The following ADGRV1 variants were observed in gnomAD, a reference collection of about 807,000 sequenced individuals.
The protein encoded by ADGRV1 is G-protein coupled receptor 98.
In ADGRV1, 359 loss-of-function variants were observed where a neutral mutation model predicts 596.2. The observed-to-expected ratio is 0.60, with a 90% CI of 0.55 to 0.66. The LOEUF is 0.66. ADGRV1 is among the 30% of genes least tolerant of loss of function. ADGRV1 has a pLI of 0.00. For synonymous variants in ADGRV1, 2,681 were observed against 2,679.2 expected (o/e 1.00, Z -0.02); for missense variants, 7,274 against 7,575.6 (o/e 0.96, Z 1.48).
At chr5:91,087,463 A>ATTTTTTT (rs556983309) in intron 86 of ADGRV1, among the ~76,000 whole-genome samples, 1 of 143,482 alleles carries the variant, frequency 7.0e-6, no homozygotes. Flanking sequence ...TGCCCGGCTA[A>ATTTTTTT]TTTTTTTTTT....
intron 70 of ADGRV1, among the ~76,000 whole-genome samples, chr5:90,798,046 C>G (rs1319860718): frequency 4.6e-5 from 7 of 151,922 alleles, no homozygotes; most frequent in Non-Finnish European, 1.5e-5. Flanking sequence ...AATTCAAAAG[C>G]TAGCAGAAGA....
chr5:90,666,332 C>T (rs1011560048), intron 21 of ADGRV1, among the ~76,000 whole-genome samples: 1 of 152,084 alleles, frequency 6.6e-6, no homozygotes, highest in Non-Finnish European at 1.5e-5. Flanking sequence ...GGCTAGTTAG[C>T]TCTTCTTGTT....
chr5:90,808,535 A>G (rs1002200255), intron 73 of ADGRV1, among the ~76,000 whole-genome samples: 1 of 152,180 alleles, frequency 6.6e-6, no homozygotes. Context: ...TAAAATGTTC[A>G]TCCAGAGAAC....
At chr5:91,095,654 T>G (rs984449312) in intron 86 of ADGRV1, among the ~76,000 whole-genome samples, 5 of 152,172 alleles carry the variant, frequency 3.3e-5, no homozygotes, top group African/African-American at 1.2e-4. Flanking sequence ...TCTCTAAGTA[T>G]CTGTGAATTT....
chr5:91,032,924 G>A (rs779016379), intron 85 of ADGRV1, among the ~76,000 whole-genome samples: 5 of 152,008 alleles, frequency 3.3e-5, no homozygotes, highest in Non-Finnish European at 5.9e-5. Context: ...GCATTTCCTG[G>A]CCATTTACTT....
At chr5:90,642,563 G>T in intron 11 of ADGRV1, 73 bp from the exon 12 acceptor site, 1 of 1,502,460 alleles carries the variant, frequency 6.7e-7, no homozygotes, top group East Asian at 2.3e-5. Context: ...TGTAAATATT[G>T]CCTTAAAAGC....
chr5:90,766,644 G>A (rs944166678), intron 59 of ADGRV1, among the ~76,000 whole-genome samples: 1 of 152,078 alleles, frequency 6.6e-6, no homozygotes, highest in African/African-American at 2.4e-5. Flanking sequence ...ACAGTGATAA[G>A]AAGTGAAGGC....
chr5:91,087,970 G>T (rs1457878622), intron 86 of ADGRV1, among the ~76,000 whole-genome samples: 1 of 152,110 alleles, frequency 6.6e-6, no homozygotes, highest in Non-Finnish European at 1.5e-5. Flanking sequence ...AATTGGCTGA[G>T]GGCTTATATT....
Position 90,690,024 on chromosome 5 carries a change from A to G in ADGRV1, c.6654A>G (p.Leu2218=). Residue 2218 remains leucine, a synonymous_variant, in exon 30 of 90, where the codon TTA becomes TTG. Coordinates refer to ENST00000405460, the MANE Select transcript of ADGRV1 (RefSeq NM_032119.4). ...ETTGGARLGA[L]TEAVIIIEAS... is the part of the protein sequence containing the mutation. Reference sequence around the variant, plus strand: ...CAGGAGGAGCCAGACTAGGGGCTTTAACAGAGGCAGTCATTATTATTGAGG... The same window carrying G: ...CAGGAGGAGCCAGACTAGGGGCTTTGACAGAGGCAGTCATTATTATTGAGG... 1.3e-6 allele frequency: 2 copies of G among 1,597,084 alleles called. No individual in the cohort carries two copies. Among genetic ancestry groups the G allele is most frequent in the Non-Finnish European group, 1.7e-6 (2 of 1,170,920 alleles).
chr5:90,658,342 T>A, intron 21 of ADGRV1, 64 bp downstream of exon 21: 5 of 1,420,682 alleles, frequency 3.5e-6, no homozygotes, highest in Non-Finnish European at 3.7e-6. Context: ...TGTTTGGGAC[T>A]CGGCTTTCTT....
chr5:90,971,505 C>CTG (rs1562020911), intron 84 of ADGRV1, among the ~76,000 whole-genome samples: 1 of 152,086 alleles, frequency 6.6e-6, no homozygotes, highest in African/African-American at 2.4e-5. Context: ...CAGATCTCTC[C>CTG]GCAGAAACTC....
At position 90,694,381 on chromosome 5, in the gene ADGRV1, T is replaced by A; in HGVS notation, c.7625T>A (p.Leu2542His). 6.2e-7 allele frequency: 1 copy of A among 1,613,996 alleles called. No individual in the cohort carries two copies. The highest frequency in any genetic ancestry group is 1.6e-4 in the Middle Eastern group (1 of 6,062). The change falls in exon 33 of 90, where the codon CTC becomes CAC. Residue 2542 changes from leucine to histidine, a missense_variant. Coordinates refer to ENST00000405460, the MANE Select transcript of ADGRV1 (RefSeq NM_032119.4). ...PEMDESFLISLLEVHLMNISA... is the reference protein window; with the variant it reads ...PEMDESFLISHLEVHLMNISA... Reference sequence around the variant, plus strand: ...ATGGATGAGAGTTTTCTAATTTCTCTCCTTGAAGTTCACCTCATGAACATT... The same window carrying A: ...ATGGATGAGAGTTTTCTAATTTCTCACCTTGAAGTTCACCTCATGAACATT...
At chr5:90,671,569 C>T (rs1418772825) in intron 21 of ADGRV1, among the ~76,000 whole-genome samples, 1 of 152,216 alleles carries the variant, frequency 6.6e-6, no homozygotes, top group Non-Finnish European at 1.5e-5. Context: ...CGACTATTGT[C>T]GGTTTGTAGA....
chr5:90,924,925 C>A (rs1774269109), intron 83 of ADGRV1, among the ~76,000 whole-genome samples: 1 of 151,658 alleles, frequency 6.6e-6, no homozygotes, highest in African/African-American at 2.4e-5. Flanking sequence ...TCAGGTTTGT[C>A]AAGGATAGAT....
chr5:90,627,056 A>G (rs1253988305), intron 6 of ADGRV1, among the ~76,000 whole-genome samples, 155 bp from the exon 7 acceptor site: 1 of 152,166 alleles, frequency 6.6e-6, no homozygotes, highest in African/African-American at 2.4e-5. Context: ...TATTTTATTA[A>G]TTGGAGACTA....
At chr5:90,569,387 A>ATTTTT (rs869133714) in intron 1 of ADGRV1, among the ~76,000 whole-genome samples, 5 of 16,372 alleles carry the variant, frequency 3.1e-4, no homozygotes, top group Non-Finnish European at 5.0e-4. Context: ...ATATATATAT[A>ATTTTT]TTTTTTTTTT....
chr5:90,882,023 T>C (rs1023048864), intron 83 of ADGRV1, among the ~76,000 whole-genome samples: 1 of 152,148 alleles, frequency 6.6e-6, no homozygotes, highest in African/African-American at 2.4e-5. Context: ...TTTTCAACTT[T>C]TGAAAACAAA....
chr5:90,867,911 A>G (rs1768282737), intron 83 of ADGRV1, among the ~76,000 whole-genome samples: 1 of 152,226 alleles, frequency 6.6e-6, no homozygotes, highest in African/African-American at 2.4e-5. Flanking sequence ...AAAGTATGTA[A>G]GCGTTTAAGT....
At chr5:90,850,225 G>A (rs1376008136) in intron 79 of ADGRV1, among the ~76,000 whole-genome samples, 2 of 152,180 alleles carry the variant, frequency 1.3e-5, no homozygotes, top group African/African-American at 4.8e-5. Flanking sequence ...ATCAGTGCTA[G>A]GGTGTGACTT....
Sources: gnomAD v4.1 joint callset for allele counts (sites outside exome capture counted in the v4.1 genomes callset) on GRCh38, gnomAD v4.1.1 for gene constraint, MANE v1.5 for transcripts, NCBI Gene and HGNC (gene_info 2026-07-23, HGNC 2026-07-21) for gene names.